Variants in RBFOX1 observed in about 807,000 individuals in gnomAD.
The protein encoded by RBFOX1 is RNA binding fox-1 homolog 1, also known as RNA binding protein fox-1 homolog 1.
RBFOX1 carries 8 observed loss-of-function variants against 57.7 expected under a neutral mutation model. The ratio of observed to expected loss-of-function variants is 0.14; its 90% CI spans 0.08 to 0.25. The LOEUF (loss-of-function observed/expected upper bound fraction) is 0.25, where lower values mean the gene tolerates loss of function less well. Ranked by LOEUF, RBFOX1 falls within the 10% of genes least tolerant of loss-of-function variation. The probability of loss-of-function intolerance (pLI) is 1.00; values close to 1 mark genes in which losing one functional copy is unlikely to be tolerated. For synonymous variants in RBFOX1, 326 were observed against 222.4 expected (o/e 1.47, Z -4.15); for missense variants, 611 against 548.5 (o/e 1.11, Z -1.14).
At chr16:6,635,542 A>G (rs1222089036) in intron 2 of RBFOX1, among the ~76,000 whole-genome samples, 1 of 152,164 alleles carries the variant, frequency 6.6e-6, no homozygotes, top group Non-Finnish European at 1.5e-5. Flanking sequence ...CAGTGAGCCA[A>G]GTTTCTGGAA....
At chr16:7,303,760 G>GCTCTCT (rs145673482) in intron 4 of RBFOX1, among the ~76,000 whole-genome samples, 10 of 139,900 alleles carry the variant, frequency 7.1e-5, no homozygotes, top group Admixed American at 1.4e-4. Context: ...CCTCCCTCTC[G>GCTCTCT]CTCTCTCTCT....
chr16:5,254,080 C>G (rs541382092), intron 1 of RBFOX1, among the ~76,000 whole-genome samples: 1 of 152,342 alleles, frequency 6.6e-6, no homozygotes, highest in Non-Finnish European at 1.5e-5. Context: ...ATGCCTGTTT[C>G]TGATTCTCAT....
At chr16:5,922,369 G>A (rs1313090492) in intron 4 of RBFOX1, among the ~76,000 whole-genome samples, 1 of 152,232 alleles carries the variant, frequency 6.6e-6, no homozygotes, top group Admixed American at 6.5e-5. Context: ...ATGGACGGAA[G>A]GAAGGGAAGA....
At chr16:7,400,031 G>T (rs1049993942) in intron 4 of RBFOX1, among the ~76,000 whole-genome samples, 7 of 152,220 alleles carry the variant, frequency 4.6e-5, no homozygotes, top group African/African-American at 1.7e-4. Flanking sequence ...AGGGATTATG[G>T]CCTTCTCTGA....
At chr16:6,669,949 C>T (rs2098753780) in intron 3 of RBFOX1, among the ~76,000 whole-genome samples, 1 of 152,170 alleles carries the variant, frequency 6.6e-6, no homozygotes, top group Non-Finnish European at 1.5e-5. Flanking sequence ...TTACAAACTT[C>T]AAGTCCACCT....
At chr16:7,592,071 C>T (rs1010025453) in intron 7 of RBFOX1, among the ~76,000 whole-genome samples, 2 of 151,982 alleles carry the variant, frequency 1.3e-5, no homozygotes, top group Admixed American at 1.3e-4. Flanking sequence ...GGTAGAATTG[C>T]CCAACGGAAC....
intron 2 of RBFOX1, among the ~76,000 whole-genome samples, chr16:6,631,138 A>C (rs1263534096): frequency 6.6e-6 from 1 of 152,158 alleles, no homozygotes; most frequent in Non-Finnish European, 1.5e-5. Flanking sequence ...AAAGGCAGAT[A>C]GAAAATTTAG....
chr16:7,650,124 G>C (rs1335274802), intron 11 of RBFOX1, among the ~76,000 whole-genome samples: 1 of 151,502 alleles, frequency 6.6e-6, no homozygotes, highest in East Asian at 1.9e-4. Context: ...AAGGAAGGAA[G>C]GAATGTAAGA....
intron 4 of RBFOX1, among the ~76,000 whole-genome samples, chr16:7,057,728 C>T (rs2052818830): frequency 6.6e-6 from 1 of 152,106 alleles, no homozygotes; most frequent in African/African-American, 2.4e-5. Flanking sequence ...ACCATAGATG[C>T]CGGGTGCAGT....
intron 3 of RBFOX1, among the ~76,000 whole-genome samples, chr16:6,676,187 T>C (rs2057653520): frequency 6.7e-6 from 1 of 149,318 alleles, no homozygotes; most frequent in Admixed American, 6.7e-5. Context: ...CACACTTCCC[T>C]AGGTCAACTA....
At chr16:6,193,275 C>T (rs2152813292) in intron 1 of RBFOX1, among the ~76,000 whole-genome samples, 1 of 150,186 alleles carries the variant, frequency 6.7e-6, no homozygotes, top group South Asian at 2.1e-4. Flanking sequence ...ATGCATGGGG[C>T]TGGCCAATCA....
At chr16:7,062,543 A>G (rs1371946248) in intron 4 of RBFOX1, among the ~76,000 whole-genome samples, 1 of 152,020 alleles carries the variant, frequency 6.6e-6, no homozygotes, top group African/African-American at 2.4e-5. Flanking sequence ...GTACTTTATT[A>G]TTCTATTTGG....
intron 2 of RBFOX1, among the ~76,000 whole-genome samples, chr16:6,545,209 C>G (rs1198202465): frequency 6.6e-6 from 1 of 152,218 alleles, no homozygotes; most frequent in Non-Finnish European, 1.5e-5. Flanking sequence ...TGGTCTCCCT[C>G]TTTTCCTTGC....
At chr16:7,426,523 C>G (rs1342859291) in intron 4 of RBFOX1, among the ~76,000 whole-genome samples, 1 of 152,156 alleles carries the variant, frequency 6.6e-6, no homozygotes, top group African/African-American at 2.4e-5. Flanking sequence ...CAGCATGCAG[C>G]TAGGAAAATT....
intron 4 of RBFOX1, among the ~76,000 whole-genome samples, chr16:6,004,094 C>T (rs111558061): frequency 6.6e-6 from 1 of 152,118 alleles, no homozygotes; most frequent in African/African-American, 2.4e-5. Context: ...GGGCTTAATA[C>T]CAAGGTGATG....
chr16:6,930,532 C>G lies in RBFOX1; in HGVS notation c.-15-121525C>G, dbSNP rs554019999. On this transcript the variant is annotated intron_variant, in intron 3 of 15. Coordinates refer to ENST00000550418, the MANE Select transcript of RBFOX1 (RefSeq NM_018723.4). ...TCAGGTGATTCTCCTGCCTCAGCCTCCCAAGCAGTTGGGATTACAGGTACC... is the reference window on the plus strand; with the variant it reads ...TCAGGTGATTCTCCTGCCTCAGCCTGCCAAGCAGTTGGGATTACAGGTACC... Among the ~76,000 whole-genome samples the G allele has an allele frequency of 8.6e-4, 131 of 152,184 alleles. 1 individual carries two copies. The highest frequency in any genetic ancestry group is 3.1e-3 in the African/African-American group (127 of 41,502).
chr16:5,646,198 T>TTG (rs2049050770), intron 3 of RBFOX1, among the ~76,000 whole-genome samples: 2 of 149,612 alleles, frequency 1.3e-5, no homozygotes, highest in East Asian at 2.0e-4. Flanking sequence ...TTTTTTTTTT[T>TTG]GTATTTTTAG....
intron 3 of RBFOX1, among the ~76,000 whole-genome samples, chr16:6,826,820 T>C (rs1166062654): frequency 6.6e-6 from 1 of 152,158 alleles, no homozygotes; most frequent in Non-Finnish European, 1.5e-5. Context: ...AACATTAATG[T>C]AAGATAAATT....
intron 3 of RBFOX1, among the ~76,000 whole-genome samples, chr16:5,821,009 G>T (rs746558824): frequency 2.0e-5 from 3 of 152,128 alleles, no homozygotes; most frequent in Non-Finnish European, 4.4e-5. Flanking sequence ...CTGGCCACCA[G>T]TCCTCAAGTG....
Sources: allele counts gnomAD v4.1 joint callset (sites outside exome capture counted in the v4.1 genomes callset), GRCh38; gene constraint gnomAD v4.1.1; transcripts MANE v1.5; gene names NCBI Gene and HGNC (gene_info 2026-07-23, HGNC 2026-07-21).